Variants in RORA observed in about 807,000 individuals in gnomAD.
RORA encodes the protein RAR related orphan receptor A, also known as nuclear receptor ROR-alpha.
A neutral mutation model predicts 69.5 loss-of-function variants in RORA; 7 were observed. That is an observed-to-expected ratio of 0.10 (90% CI 0.06 to 0.19). RORA has a LOEUF of 0.19. Among genes scored for constraint, RORA ranks in the 10% least tolerant of loss-of-function variants. The pLI, the probability that RORA is intolerant of heterozygous loss-of-function variation, is 1.00. For synonymous variants in RORA, 261 were observed against 240.8 expected (o/e 1.08, Z -0.78); for missense variants, 457 against 663.0 (o/e 0.69, Z 3.41).
At chr15:61,104,118 C>G (rs554275385) in intron 1 of RORA, among the ~76,000 whole-genome samples, 28 of 152,344 alleles carry the variant, frequency 1.8e-4, no homozygotes, top group Admixed American at 1.3e-3. Flanking sequence ...TTCCACCCAA[C>G]TCACCTGTCA....
intron 1 of RORA, among the ~76,000 whole-genome samples, chr15:60,912,148 C>T (rs1470862372): frequency 2.6e-5 from 4 of 152,086 alleles, no homozygotes; most frequent in South Asian, 2.1e-4. Context: ...CAGTGGCTCA[C>T]GCCTATAATC....
chr15:61,092,835 C>G (rs1160466368), intron 1 of RORA, among the ~76,000 whole-genome samples: 2 of 152,224 alleles, frequency 1.3e-5, no homozygotes, highest in African/African-American at 4.8e-5. Flanking sequence ...CAGATATCAT[C>G]TGAGGCTTTG....
At position 60,751,238 on chromosome 15, in the gene RORA, A is replaced by G. The variant is rs989097318; in HGVS notation, c.167-72552T>C. ...CTTTGTTCTGCCTCCTTCAACAGTG[A>G]TTCTAACCCTGTTGTCATGTATTGA... On this transcript the variant is annotated intron_variant, in intron 1 of 10. Coordinates refer to ENST00000335670, the MANE Select transcript of RORA (RefSeq NM_134261.3). 2.0e-5 allele frequency among the ~76,000 whole-genome samples: 3 copies of G among 152,176 alleles called. No homozygotes were observed. The East Asian group carries it at 5.8e-4, about 29-fold the overall frequency.
chr15:60,773,992 A>T (rs1333768900), intron 1 of RORA, among the ~76,000 whole-genome samples: 1 of 152,240 alleles, frequency 6.6e-6, no homozygotes. Context: ...CTAATTGTTC[A>T]TGCAATTCTG....
chr15:61,112,064 CTA>C (rs2079011101), intron 1 of RORA, among the ~76,000 whole-genome samples: 1 of 152,168 alleles, frequency 6.6e-6, no homozygotes, highest in Admixed American at 6.5e-5. Flanking sequence ...AAACTCCACA[CTA>C]TTCAAAGTGT....
chr15:60,611,211 T>G (rs1024265786), intron 2 of RORA, among the ~76,000 whole-genome samples: 1 of 152,130 alleles, frequency 6.6e-6, no homozygotes, highest in Non-Finnish European at 1.5e-5. Context: ...TCTTTCCTCT[T>G]GAATGGGTTC....
chr15:61,179,113 G>C (rs189221716), intron 1 of RORA, among the ~76,000 whole-genome samples: 57 of 152,240 alleles, frequency 3.7e-4, no homozygotes, highest in Admixed American at 3.0e-3. Flanking sequence ...GCCTCCTCAG[G>C]TTCTTTTCAA....
intron 1 of RORA, among the ~76,000 whole-genome samples, chr15:60,998,225 C>T (rs1197946477): frequency 6.6e-6 from 1 of 151,270 alleles, no homozygotes; most frequent in East Asian, 2.0e-4. Flanking sequence ...GTACAGTGGC[C>T]CGATCACAGC....
chr15:60,729,306 A>T (rs1389809048), intron 1 of RORA, among the ~76,000 whole-genome samples: 6 of 152,330 alleles, frequency 3.9e-5, no homozygotes, highest in Middle Eastern at 6.8e-3. Flanking sequence ...CAGTCTTTCG[A>T]TCACTTTCCT....
intron 1 of RORA, among the ~76,000 whole-genome samples, chr15:61,124,171 C>T (rs2079124981): frequency 6.6e-6 from 1 of 152,232 alleles, no homozygotes; most frequent in East Asian, 1.9e-4. Context: ...CAGCCTGGCA[C>T]CCCTGCCATT....
At position 60,531,226 on chromosome 15, in the gene RORA, A is replaced by G. The variant is rs1013665732; in HGVS notation, c.282+540T>C. ...AGTAGAAAGATCAGGTGTTATACCC[A>G]CTTTAAAAATGAAGCAACTGAGTGA... On this transcript the variant is annotated intron_variant, in intron 3 of 10. Coordinates refer to ENST00000335670, the MANE Select transcript of RORA (RefSeq NM_134261.3). The surrounding 1 kb of genome is among the most constrained non-coding windows in gnomAD (Gnocchi z 4.8). 3.1e-4 allele frequency: 47 copies of G among 153,266 alleles called. No individual in the cohort carries two copies. The highest frequency in any genetic ancestry group is 6.0e-4 in the Non-Finnish European group (41 of 68,898). 9.5% of individuals were successfully genotyped at this position (153,266 alleles called of 1,614,324 possible).
chr15:60,892,488 A>G (rs1243762311), intron 1 of RORA, among the ~76,000 whole-genome samples: 3 of 152,052 alleles, frequency 2.0e-5, no homozygotes, highest in African/African-American at 7.2e-5. Flanking sequence ...CAATCCTCCA[A>G]AAGTCCCCGC....
intron 2 of RORA, among the ~76,000 whole-genome samples, chr15:60,589,608 G>T (rs1188276872): frequency 1.3e-5 from 2 of 152,158 alleles, no homozygotes; most frequent in African/African-American, 4.8e-5. Flanking sequence ...TTGGAATTTT[G>T]TTGTTAATTA....
rs553915491 is a variant in RORA, at chr15:61,103,931, G to A, written c.166+125122C>T. On this transcript the variant is annotated intron_variant, in intron 1 of 10. Coordinates refer to ENST00000335670, the MANE Select transcript of RORA (RefSeq NM_134261.3). ...ACTGAATCAGAGGGAAGTAGCAGGGGCTTCTTCCCCTCCCCTGATGTTCAC... is the reference window on the plus strand; with the variant it reads ...ACTGAATCAGAGGGAAGTAGCAGGGACTTCTTCCCCTCCCCTGATGTTCAC... 2.2e-4 allele frequency among the ~76,000 whole-genome samples: 33 copies of A among 152,258 alleles called. 1 individual carries two copies. In the South Asian group the frequency reaches 6.4e-3, roughly 30 times the overall value.
chr15:60,805,101 A>G (rs1256171462), intron 1 of RORA, among the ~76,000 whole-genome samples: 2 of 152,204 alleles, frequency 1.3e-5, no homozygotes, highest in East Asian at 3.8e-4. Flanking sequence ...TGCTTCCGCC[A>G]GTCACTTCCC....
At chr15:60,874,867 T>C (rs1413704788) in intron 1 of RORA, among the ~76,000 whole-genome samples, 1 of 152,206 alleles carries the variant, frequency 6.6e-6, no homozygotes, top group Non-Finnish European at 1.5e-5. Context: ...TTATTTAATC[T>C]TTCACTTTTT....
At chr15:60,697,661 G>A (rs564819842) in intron 1 of RORA, among the ~76,000 whole-genome samples, 2 of 152,020 alleles carry the variant, frequency 1.3e-5, no homozygotes, top group Admixed American at 1.3e-4. Flanking sequence ...CCTGCTCTTG[G>A]GTTCACACAA....
chr15:61,186,401 G>T (rs1341241625), intron 1 of RORA, among the ~76,000 whole-genome samples: 1 of 151,988 alleles, frequency 6.6e-6, no homozygotes. Flanking sequence ...AGCACTTTGG[G>T]AGGCCAAGGT....
At chr15:61,137,964 C>T (rs1331764124) in intron 1 of RORA, among the ~76,000 whole-genome samples, 1 of 152,168 alleles carries the variant, frequency 6.6e-6, no homozygotes, top group Non-Finnish European at 1.5e-5. Flanking sequence ...AACATACTTA[C>T]CCTGGAAAGA....
Sources: allele counts gnomAD v4.1 joint callset (sites outside exome capture counted in the v4.1 genomes callset), GRCh38; gene constraint gnomAD v4.1.1; non-coding constraint Gnocchi (gnomAD v3.1); transcripts MANE v1.5; gene names NCBI Gene and HGNC (gene_info 2026-07-23, HGNC 2026-07-21).